Variants in RAD51B observed in about 807,000 individuals in gnomAD.
The protein encoded by RAD51B is RAD51 paralog B.
A neutral mutation model predicts 42.2 loss-of-function variants in RAD51B; 38 were observed. That is an observed-to-expected ratio of 0.90 (90% confidence interval 0.70 to 1.18). RAD51B has a LOEUF of 1.18. Among genes scored for constraint, RAD51B ranks in the 50% most tolerant of loss-of-function variants. The pLI is 0.00. For synonymous variants in RAD51B, 154 were observed against 145.2 expected (o/e 1.06, Z -0.43); for missense variants, 373 against 400.7 (o/e 0.93, Z 0.59).
intron 3 of RAD51B, among the ~76,000 whole-genome samples, chr14:67,830,732 T>A (rs1157343176): frequency 6.6e-6 from 1 of 151,904 alleles, no homozygotes; most frequent in Non-Finnish European, 1.5e-5. Context: ...TTGGTGATTG[T>A]TTGGCTGAGG....
intron 8 of RAD51B, chr14:68,338,609 GGAGGCTATT>G: frequency 3.4e-6 from 1 of 292,782 alleles, no homozygotes; most frequent in Non-Finnish European, 6.6e-6. Context: ...GGTTAAGTTT[GGAGGCTATT>G]TAGCTATCTC....
chr14:68,663,919 A>G lies in RAD51B; in HGVS notation c.*11+13063A>G, dbSNP rs145789405. 1.2e-3 allele frequency among the ~76,000 whole-genome samples: 185 copies of G among 152,338 alleles called. 1 individual carries two copies. The highest frequency in any genetic ancestry group is 4.0e-3 in the African/African-American group (168 of 41,566). Reference sequence around the variant, plus strand: ...TTTTATGTGATTATATTTGTGAAACATTAAATTTAGCATCAGGTGCATTAT... The same window carrying G: ...TTTTATGTGATTATATTTGTGAAACGTTAAATTTAGCATCAGGTGCATTAT... On this transcript the variant is annotated intron_variant, in intron 11 of 11. Transcript: ENST00000488612.
intron 10 of RAD51B, among the ~76,000 whole-genome samples, chr14:68,536,403 T>A (rs552106388): frequency 6.6e-6 from 1 of 152,330 alleles, no homozygotes; most frequent in South Asian, 2.1e-4. Flanking sequence ...AGAAAGCAGA[T>A]TGAATTTTTT....
rs150819673 is a variant in RAD51B, at chr14:68,210,742, T to C, written c.757-81142T>C. ...GGGAAGAAGTGCTTTGAAATCTCCA[T>C]TGCACTCTGCAAAAGCAAGGAAATG... is the stretch of plus-strand genomic sequence containing the variant. On this transcript the variant is annotated intron_variant, in intron 7 of 10. Coordinates refer to ENST00000471583, the MANE Select transcript of RAD51B (RefSeq NM_133510.4). Among the ~76,000 whole-genome samples the C allele has an allele frequency of 1.2e-4, 18 of 152,268 alleles. No individual in the cohort carries two copies. The East Asian group carries it at 2.9e-3, about 24-fold the overall frequency.
Position 68,385,258 on chromosome 14 carries a change from G to A in RAD51B, c.854-26166G>A, listed in dbSNP as rs569292548. On this transcript the variant is annotated intron_variant, in intron 8 of 10. Coordinates refer to ENST00000471583, the MANE Select transcript of RAD51B (RefSeq NM_133510.4). ...CCTCGCTGCCACATCACATCAAGGT[G>A]AAGTTTTCTCCCCAGCCCCTGGCAA... is the stretch of plus-strand genomic sequence containing the variant. Among the ~76,000 whole-genome samples the A allele has an allele frequency of 3.9e-5, 6 of 152,252 alleles. No individual in the cohort carries two copies. In the East Asian group the frequency reaches 1.2e-3, roughly 29 times the overall value.
intron 9 of RAD51B, among the ~76,000 whole-genome samples, chr14:68,414,509 C>T (rs189015626): frequency 6.6e-6 from 1 of 152,138 alleles, no homozygotes; most frequent in Admixed American, 6.5e-5. Context: ...TTTTGGTCTA[C>T]CCCGTGCATG....
chr14:67,923,420 C>T (rs2044398623), intron 7 of RAD51B, among the ~76,000 whole-genome samples: 1 of 151,762 alleles, frequency 6.6e-6, no homozygotes, highest in South Asian at 2.1e-4. Flanking sequence ...CTGCCTCAGC[C>T]TCCCAAGTAG....
chr14:67,986,801 G>A (rs923721514), intron 7 of RAD51B, among the ~76,000 whole-genome samples: 1 of 152,092 alleles, frequency 6.6e-6, no homozygotes, highest in African/African-American at 2.4e-5. Flanking sequence ...GCGTGATCTC[G>A]ACTCACTACA....
At chr14:67,959,248 A>G (rs945361979) in intron 7 of RAD51B, among the ~76,000 whole-genome samples, 1 of 151,646 alleles carries the variant, frequency 6.6e-6, no homozygotes, top group Non-Finnish European at 1.5e-5. Context: ...TCCTTTGGTC[A>G]ATATTTTTTT....
chr14:68,211,224 C>T (rs1213385911), intron 7 of RAD51B, among the ~76,000 whole-genome samples: 1 of 152,176 alleles, frequency 6.6e-6, no homozygotes. Flanking sequence ...TTCCCCTCCC[C>T]ACCCAGTGCC....
chr14:67,888,991 TG>T (rs1314157187), intron 7 of RAD51B, among the ~76,000 whole-genome samples: 7 of 152,210 alleles, frequency 4.6e-5, no homozygotes, highest in Non-Finnish European at 1.0e-4. Flanking sequence ...AAGTAGTAAC[TG>T]TAGGCTAATG....
intron 8 of RAD51B, among the ~76,000 whole-genome samples, chr14:68,343,532 A>G (rs2139844063): frequency 6.6e-6 from 1 of 152,370 alleles, no homozygotes; most frequent in South Asian, 2.1e-4. Context: ...GCAGAGTGTA[A>G]AATTTTGGAT....
At chr14:68,127,691 C>T (rs542074225) in intron 7 of RAD51B, among the ~76,000 whole-genome samples, 88 of 150,288 alleles carry the variant, frequency 5.9e-4, no homozygotes, top group African/African-American at 2.1e-3. Context: ...TGGAAAACCA[C>T]AAGTAACAAT....
At chr14:68,207,837 C>T (rs1170227807) in intron 7 of RAD51B, among the ~76,000 whole-genome samples, 2 of 151,942 alleles carry the variant, frequency 1.3e-5, no homozygotes. Flanking sequence ...GATTTAGGAA[C>T]TCATTTGAGA....
intron 7 of RAD51B, among the ~76,000 whole-genome samples, chr14:68,223,774 T>C (rs2079977622): frequency 6.6e-6 from 1 of 152,236 alleles, no homozygotes; most frequent in Non-Finnish European, 1.5e-5. Flanking sequence ...AGATTCTCAA[T>C]TGACTATTTT....
chr14:68,571,609 G>A (rs1408113988), intron 10 of RAD51B, among the ~76,000 whole-genome samples: 1 of 152,160 alleles, frequency 6.6e-6, no homozygotes, highest in African/African-American at 2.4e-5. Flanking sequence ...GTTGGGCCAG[G>A]ACAATGTGCC....
chr14:68,414,750 G>A (rs2084508273), intron 9 of RAD51B, among the ~76,000 whole-genome samples: 1 of 151,248 alleles, frequency 6.6e-6, no homozygotes, highest in Non-Finnish European at 1.5e-5. Context: ...GCAGGACGCA[G>A]TGGCTCATGC....
At chr14:68,437,354 A>C (rs1039117152) in intron 9 of RAD51B, among the ~76,000 whole-genome samples, 5 of 152,210 alleles carry the variant, frequency 3.3e-5, no homozygotes, top group African/African-American at 7.2e-5. Context: ...CTCAGAAATG[A>C]AGCTTACTTG....
intron 7 of RAD51B, among the ~76,000 whole-genome samples, chr14:67,964,692 A>T (rs908391620): frequency 4.6e-5 from 7 of 152,080 alleles, no homozygotes; most frequent in African/African-American, 1.4e-4. Context: ...AGGTTTTAGA[A>T]TGTTAAGTGG....
Sources: gnomAD v4.1 joint callset for allele counts (sites outside exome capture counted in the v4.1 genomes callset) on GRCh38, gnomAD v4.1.1 for gene constraint, MANE v1.5 for transcripts, NCBI Gene and HGNC (gene_info 2026-07-23, HGNC 2026-07-21) for gene names.